Variants in MCPH1 observed in about 807,000 individuals in gnomAD.
MCPH1 encodes the protein microcephalin.
MCPH1 carries 104 observed loss-of-function variants against 84.5 expected under a neutral mutation model. The observed-to-expected ratio is 1.23, with a 90% confidence interval of 1.05 to 1.45. MCPH1 has a LOEUF of 1.45. MCPH1 is among the 40% of genes most tolerant of loss of function. The probability of loss-of-function intolerance (pLI) is 0.00; values close to 1 mark genes in which losing one functional copy is unlikely to be tolerated. For synonymous variants in MCPH1, 514 were observed against 366.8 expected (o/e 1.40, Z -4.58); for missense variants, 1,498 against 1,005.7 (o/e 1.49, Z -6.62).
In MCPH1 at chr8:6,486,262, A is replaced by ATCTCTCTC. The variant is rs56247663; in HGVS notation, c.2136+5412_2136+5419dup. 2.1e-3 allele frequency among the ~76,000 whole-genome samples: 309 copies of ATCTCTCTC among 147,188 alleles called. 1 individual carries two copies. The East Asian group carries it at 0.026, about 12-fold the overall frequency. ...TATACATTGACTTTGTGTACAAGGA[A>ATCTCTCTC]TCTCTCTCTCTCTCTCTCTCTCTCT... On this transcript the variant is annotated intron_variant, in intron 11 of 13. Coordinates refer to ENST00000344683, the MANE Select transcript of MCPH1 (RefSeq NM_024596.5).
intron 13 of MCPH1, among the ~76,000 whole-genome samples, chr8:6,622,891 A>G (rs1831613051): frequency 6.6e-6 from 1 of 151,956 alleles, no homozygotes; most frequent in African/African-American, 2.4e-5. Context: ...CCCAGGATGG[A>G]GTGCAGTAGC....
intron 6 of MCPH1, 42 bp downstream of exon 6, chr8:6,439,138 G>T: frequency 6.3e-7 from 1 of 1,582,346 alleles, no homozygotes; most frequent in Non-Finnish European, 8.6e-7. Flanking sequence ...GCAAATAGCC[G>T]ATTCAATTAT....
chr8:6,449,127 CTT>C (rs1364995355), intron 8 of MCPH1, among the ~76,000 whole-genome samples: 1 of 152,138 alleles, frequency 6.6e-6, no homozygotes, highest in Non-Finnish European at 1.5e-5. Flanking sequence ...TTGAAAATAT[CTT>C]TTCACACAGA....
At chr8:6,562,975 G>A (rs1160661716) in intron 12 of MCPH1, 1 of 1,547,588 alleles carries the variant, frequency 6.5e-7, no homozygotes, top group Non-Finnish European at 8.8e-7. Context: ...CAAACTTGAG[G>A]GCAAACACAC....
At chr8:6,511,986 C>G (rs988012203) in intron 12 of MCPH1, among the ~76,000 whole-genome samples, 11 of 151,272 alleles carry the variant, frequency 7.3e-5, no homozygotes, top group Non-Finnish European at 1.6e-4. Context: ...AAACACTGAC[C>G]AACCACTTGT....
intron 9 of MCPH1, among the ~76,000 whole-genome samples, chr8:6,462,894 C>T (rs1806442176): frequency 6.6e-6 from 1 of 152,186 alleles, no homozygotes; most frequent in Admixed American, 6.5e-5. Context: ...TGCATATTGA[C>T]TGTGCTTTGT....
At chr8:6,411,632 C>G (rs755176982) in intron 2 of MCPH1, among the ~76,000 whole-genome samples, 61 of 152,220 alleles carry the variant, frequency 4.0e-4, no homozygotes, top group Admixed American at 3.8e-3. Context: ...TCACACCAAA[C>G]TGCAACAGTT....
intron 11 of MCPH1, among the ~76,000 whole-genome samples, chr8:6,497,602 T>A (rs902265852): frequency 8.3e-4 from 126 of 152,296 alleles, no homozygotes; most frequent in African/African-American, 2.8e-3. Context: ...TATAAGGAAC[T>A]GTAATGTAAA....
chr8:6,607,127 C>A (rs893976489), intron 12 of MCPH1, among the ~76,000 whole-genome samples: 1 of 152,222 alleles, frequency 6.6e-6, no homozygotes, highest in African/African-American at 2.4e-5. Context: ...AGGAAGGCCC[C>A]TCTCACTTTC....
intron 3 of MCPH1, among the ~76,000 whole-genome samples, chr8:6,429,521 G>C (rs1205504504): frequency 6.6e-6 from 1 of 151,936 alleles, no homozygotes; most frequent in Non-Finnish European, 1.5e-5. Flanking sequence ...GCCAGGCTTG[G>C]GTTTCCCTTT....
intron 12 of MCPH1, among the ~76,000 whole-genome samples, chr8:6,583,409 G>A (rs1827721821): frequency 6.6e-6 from 1 of 152,172 alleles, no homozygotes. Flanking sequence ...TTCTTGCGCT[G>A]CAAGGCACTG....
chr8:6,423,194 T>C (rs1273960012), intron 3 of MCPH1, among the ~76,000 whole-genome samples: 2 of 141,658 alleles, frequency 1.4e-5, no homozygotes, highest in African/African-American at 5.5e-5. Context: ...TCTTTTCTTT[T>C]TTTTTTTTTT....
At chr8:6,515,365 T>G (rs944054895) in intron 12 of MCPH1, among the ~76,000 whole-genome samples, 4 of 152,196 alleles carry the variant, frequency 2.6e-5, no homozygotes, top group Admixed American at 2.6e-4. Context: ...CACAAGGGCC[T>G]TGAGGCTCCA....
At chr8:6,620,511 C>T (rs531173182) in intron 12 of MCPH1, among the ~76,000 whole-genome samples, 8 of 152,130 alleles carry the variant, frequency 5.3e-5, no homozygotes, top group Admixed American at 1.3e-4. Flanking sequence ...AGGACCCCGA[C>T]GTCACCCCAC....
At chr8:6,408,844 G>C (rs956233473) in intron 1 of MCPH1, among the ~76,000 whole-genome samples, 4 of 151,752 alleles carry the variant, frequency 2.6e-5, no homozygotes, top group Non-Finnish European at 5.9e-5. Context: ...ATTACAGCAT[G>C]AGCCACCACA....
At chr8:6,530,558 T>C (rs1445050733) in intron 12 of MCPH1, among the ~76,000 whole-genome samples, 2 of 85,274 alleles carry the variant, frequency 2.3e-5, no homozygotes, top group African/African-American at 8.1e-5. Flanking sequence ...CAGTTACTTT[T>C]GGTCCAACCT....
intron 7 of MCPH1, among the ~76,000 whole-genome samples, chr8:6,443,834 A>AG (rs1358619939): frequency 6.6e-6 from 1 of 152,220 alleles, no homozygotes; most frequent in African/African-American, 2.4e-5. Context: ...TAGAATATTT[A>AG]GGAGGTAGCA....
At chr8:6,512,036 A>T (rs927333917) in intron 12 of MCPH1, among the ~76,000 whole-genome samples, 1 of 151,932 alleles carries the variant, frequency 6.6e-6, no homozygotes. Flanking sequence ...TTTGGAGTCA[A>T]GTTGGAACTG....
intron 5 of MCPH1, among the ~76,000 whole-genome samples, chr8:6,437,734 A>G (rs57011921): frequency 2.1e-3 from 316 of 152,258 alleles, no homozygotes; most frequent in African/African-American, 7.3e-3. Context: ...GAAACGTGCA[A>G]TCGTCCTTGA....
Sources: allele counts gnomAD v4.1 joint callset (sites outside exome capture counted in the v4.1 genomes callset), GRCh38; gene constraint gnomAD v4.1.1; transcripts MANE v1.5; gene names NCBI Gene and HGNC (gene_info 2026-07-23, HGNC 2026-07-21).